Variants in MED12L observed in about 807,000 individuals in gnomAD.
The protein encoded by MED12L is mediator complex subunit 12L, also known as mediator of RNA polymerase II transcription subunit 12-like protein.
A neutral mutation model predicts 281.3 loss-of-function variants in MED12L; 60 were observed. The ratio of observed to expected loss-of-function variants is 0.21; its 90% confidence interval spans 0.17 to 0.26. The LOEUF (loss-of-function observed/expected upper bound fraction) is 0.26, where lower values mean the gene tolerates loss of function less well. Among genes scored for constraint, MED12L ranks in the 10% least tolerant of loss-of-function variants. The pLI is 1.00. For missense variants in MED12L, 2,146 were observed against 2,680.9 expected (o/e 0.80, Z 4.41); for synonymous variants, 974 against 987.2 (o/e 0.99, Z 0.25).
intron 13 of MED12L, among the ~76,000 whole-genome samples, chr3:151,190,174 CT>C (rs879731163): frequency 0.013 from 1,894 of 143,912 alleles, 31 homozygotes; most frequent in African/African-American, 0.037. Context: ...GGACTACTAT[CT>C]TTTTTTTTTT....
intron 4 of MED12L, among the ~76,000 whole-genome samples, chr3:151,125,957 G>A (rs76058530): frequency 1.1e-4 from 17 of 151,870 alleles, no homozygotes; most frequent in Non-Finnish European, 2.4e-4. Flanking sequence ...TGGGGTCTGT[G>A]TTCTGAAGTC....
chr3:151,228,524 A>C lies in MED12L; in HGVS notation c.2250+34858A>C, dbSNP rs117718250. 1.4e-3 allele frequency among the ~76,000 whole-genome samples: 206 copies of C among 152,328 alleles called. 4 individuals are homozygous for C. In the East Asian group the frequency reaches 0.037, roughly 27 times the overall value. On this transcript the variant is annotated intron_variant, in intron 16 of 44. Coordinates refer to ENST00000687756, the MANE Select transcript of MED12L (RefSeq NM_001393769.1). Reference sequence around the variant, plus strand: ...TGAAATTCAGGGCTGCAGGAGGCACAGTAGACCCTTTGCAGAGTGCTCTGA... The same window carrying C: ...TGAAATTCAGGGCTGCAGGAGGCACCGTAGACCCTTTGCAGAGTGCTCTGA...
At chr3:151,230,570 CTTT>C (rs368433695) in intron 16 of MED12L, among the ~76,000 whole-genome samples, 5 of 139,446 alleles carry the variant, frequency 3.6e-5, no homozygotes, top group Non-Finnish European at 4.7e-5. Context: ...TTACTCCACG[CTTT>C]TTTTTTTTTT....
intron 36 of MED12L, among the ~76,000 whole-genome samples, chr3:151,385,446 A>G (rs1713166452): frequency 2.6e-5 from 4 of 152,192 alleles, no homozygotes; most frequent in Non-Finnish European, 5.9e-5. Flanking sequence ...AAACCTACCA[A>G]GAGAAAACTA....
chr3:151,401,872 T>G (rs554742193), intron 39 of MED12L, among the ~76,000 whole-genome samples: 1 of 152,186 alleles, frequency 6.6e-6, no homozygotes, highest in African/African-American at 2.4e-5. Flanking sequence ...TTATATCTGG[T>G]ATTTCTCTGT....
chr3:151,371,267 T>C (rs776735382), intron 26 of MED12L, among the ~76,000 whole-genome samples: 2 of 152,184 alleles, frequency 1.3e-5, no homozygotes, highest in Non-Finnish European at 2.9e-5. Context: ...ATGGGACCAT[T>C]ATATCAAATT....
intron 16 of MED12L, among the ~76,000 whole-genome samples, chr3:151,247,962 C>CCTT (rs1553757684): frequency 1.3e-5 from 1 of 75,902 alleles, no homozygotes; most frequent in African/African-American, 5.3e-5. Flanking sequence ...TCTTCTTCTT[C>CCTT]TTTTTTTTTT....
At position 151,242,891 on chromosome 3, in the gene MED12L, C is replaced by T. The variant is rs1734506758; in HGVS notation, c.2250+49225C>T. ...GAAAAAAATTTAGAAGAATGTATAA[C>T]TAGAATAACCAATACAGAGAAGTGC... is the stretch of plus-strand genomic sequence containing the variant. On this transcript the variant is annotated intron_variant, in intron 16 of 44. Transcript: ENST00000687756. 2.0e-5 allele frequency among the ~76,000 whole-genome samples: 3 copies of T among 149,006 alleles called. No individual in the cohort carries two copies. The South Asian group carries it at 6.4e-4, about 32-fold the overall frequency.
chr3:151,137,813 T>G (rs1214000757), intron 5 of MED12L, among the ~76,000 whole-genome samples: 1 of 152,202 alleles, frequency 6.6e-6, no homozygotes, highest in Non-Finnish European at 1.5e-5. Flanking sequence ...AAATTTTTTT[T>G]TTTTAAGCTT....
At chr3:151,254,202 T>G (rs558790494) in intron 16 of MED12L, among the ~76,000 whole-genome samples, 22 of 152,326 alleles carry the variant, frequency 1.4e-4, no homozygotes, top group African/African-American at 5.3e-4. Context: ...GGTTCTTGGC[T>G]TTTGATAGTG....
At chr3:151,168,104 T>A (rs1409223278) in intron 11 of MED12L, among the ~76,000 whole-genome samples, 1 of 152,074 alleles carries the variant, frequency 6.6e-6, no homozygotes, top group Non-Finnish European at 1.5e-5. Context: ...AAAATAGGGG[T>A]GTTTTTTCAA....
At chr3:151,292,481 G>T (rs895372672) in intron 16 of MED12L, among the ~76,000 whole-genome samples, 6 of 151,302 alleles carry the variant, frequency 4.0e-5, no homozygotes, top group Admixed American at 6.6e-5. Context: ...GAGACGGGGG[G>T]TTTCACCATG....
chr3:151,409,293 C>A lies in MED12L; in HGVS notation c.5871C>A (p.Ser1957=). The part of the protein sequence containing the change: ...AALFAAQARP[S]PQLPQYPGLQ... ...TCTTTGCTGCGCAAGCACGGCCCTCCCCTCAGCTCCCTCAGTATCCAGGGC... is the reference window on the plus strand; with the variant it reads ...TCTTTGCTGCGCAAGCACGGCCCTCACCTCAGCTCCCTCAGTATCCAGGGC... The change falls in exon 40 of 45, where the codon TCC becomes TCA. Residue 1957 remains serine, a synonymous_variant. Coordinates refer to ENST00000687756, the MANE Select transcript of MED12L (RefSeq NM_001393769.1). 6.2e-7 allele frequency: 1 copy of A among 1,613,658 alleles called. No individual in the cohort carries two copies.
At chr3:151,303,763 A>AAAAC (rs368321837) in intron 16 of MED12L, among the ~76,000 whole-genome samples, 42 of 150,480 alleles carry the variant, frequency 2.8e-4, no homozygotes, top group Non-Finnish European at 5.2e-4. Context: ...ACTCCGTCTC[A>AAAAC]AAACAAACAA....
In MED12L at chr3:151,165,943, T is replaced by C; in HGVS notation, c.1455T>C (p.His485=). 1 of 1,613,762 alleles carries C rather than the reference T, an allele frequency of 6.2e-7. No homozygotes were observed. The highest frequency in any genetic ancestry group is 8.5e-7 in the Non-Finnish European group (1 of 1,179,812). ...GCAATTCCATGGAGACACTTTATCA[T>C]AAGATTTTCTGGGCAAACCAAAACA... ...DSSNSMETLY[H]KIFWANQNKD... is the part of the protein sequence containing the mutation. Residue 485 remains histidine (H), a synonymous_variant, in exon 11 of 45, where the codon CAT becomes CAC. Transcript: ENST00000687756.
chr3:151,196,898 C>T (rs994596717), intron 16 of MED12L, among the ~76,000 whole-genome samples: 25 of 152,146 alleles, frequency 1.6e-4, no homozygotes, highest in Non-Finnish European at 2.8e-4. Context: ...AACTTGTTTT[C>T]CTAGCTTTCA....
chr3:151,368,689 T>TATTTCATTTCATTTCATTTC (rs1175917645), intron 25 of MED12L, among the ~76,000 whole-genome samples: 1 of 42,010 alleles, frequency 2.4e-5, no homozygotes, highest in South Asian at 8.5e-4. Flanking sequence ...CATTTCATTT[T>TATTTCATTTCATTTCATTTC]ATTTCATTTC....
At chr3:151,405,700 T>C (rs1035211636) in intron 39 of MED12L, among the ~76,000 whole-genome samples, 12 of 152,112 alleles carry the variant, frequency 7.9e-5, no homozygotes, top group African/African-American at 2.9e-4. Flanking sequence ...CTCCATGCAT[T>C]AAAAAATATG....
intron 16 of MED12L, chr3:151,213,989 C>T: frequency 6.2e-7 from 1 of 1,614,070 alleles, no homozygotes; most frequent in Non-Finnish European, 8.5e-7. Context: ...CCAAAGAACA[C>T]AATGCTGACG....
Sources: allele counts gnomAD v4.1 joint callset (sites outside exome capture counted in the v4.1 genomes callset), GRCh38; gene constraint gnomAD v4.1.1; transcripts MANE v1.5; gene names NCBI Gene and HGNC (gene_info 2026-07-23, HGNC 2026-07-21).